Variants in PLEKHA6 observed in about 807,000 individuals in gnomAD.
PLEKHA6 encodes the protein pleckstrin homology domain-containing family A member 6.
A neutral mutation model predicts 116.7 loss-of-function variants in PLEKHA6; 60 were observed. The observed-to-expected ratio is 0.51, with a 90% CI of 0.42 to 0.64. PLEKHA6 has a LOEUF of 0.64. PLEKHA6 is among the 30% of genes least tolerant of loss of function. The pLI is 0.00. For missense variants in PLEKHA6, 1,338 were observed against 1,422.7 expected, an observed-to-expected ratio of 0.94 and a Z score of 0.96; for synonymous variants, 489 against 556.1, an observed-to-expected ratio of 0.88 and a Z score of 1.70.
chr1:204,295,382 C>T (rs776690699), intron 1 of PLEKHA6, among the ~76,000 whole-genome samples: 2 of 151,086 alleles, frequency 1.3e-5, no homozygotes, highest in Non-Finnish European at 2.9e-5. Context: ...CCCAGCTACT[C>T]GGGAGGCTGA....
intron 1 of PLEKHA6, among the ~76,000 whole-genome samples, chr1:204,296,829 C>T (rs1480550980): frequency 6.6e-6 from 1 of 152,214 alleles, no homozygotes; most frequent in Admixed American, 6.5e-5. Context: ...GTGGGGCCTG[C>T]CTGTTCCCCT....
At position 204,289,570 on chromosome 1, in the gene PLEKHA6, G is replaced by A. The variant is rs1233459970; in HGVS notation, c.-94-14761C>T. 2.6e-5 allele frequency among the ~76,000 whole-genome samples: 4 copies of A among 152,326 alleles called. No individual in the cohort carries two copies. In the East Asian group the frequency reaches 7.7e-4, roughly 29 times the overall value. ...CTGGCTGGCCGGGTTCCTTAAAGGGGCTGCACTGCATTCCCACTTGCTCCA... is the reference window on the plus strand; with the variant it reads ...CTGGCTGGCCGGGTTCCTTAAAGGGACTGCACTGCATTCCCACTTGCTCCA... On this transcript the variant is annotated intron_variant, in intron 1 of 22. Coordinates refer to ENST00000272203, the MANE Select transcript of PLEKHA6 (RefSeq NM_014935.5).
intron 1 of PLEKHA6, among the ~76,000 whole-genome samples, chr1:204,349,267 G>A (rs1051095018): frequency 1.3e-4 from 20 of 152,258 alleles, no homozygotes; most frequent in Admixed American, 7.8e-4. Flanking sequence ...GGCCGGGTGC[G>A]GTGGCTCACG....
chr1:204,252,696 C>A (rs1664722527), intron 9 of PLEKHA6, among the ~76,000 whole-genome samples: 1 of 152,308 alleles, frequency 6.6e-6, no homozygotes, highest in East Asian at 1.9e-4. Context: ...CCTCTTACCC[C>A]TTTTAGGCAG....
intron 1 of PLEKHA6, among the ~76,000 whole-genome samples, chr1:204,300,655 C>A (rs929103312): frequency 6.6e-6 from 1 of 152,210 alleles, no homozygotes; most frequent in Non-Finnish European, 1.5e-5. Context: ...TCCCCGTGCC[C>A]ACCCTTGAGT....
At chr1:204,240,488 T>A (rs1483515957) in intron 17 of PLEKHA6, among the ~76,000 whole-genome samples, 1 of 152,252 alleles carries the variant, frequency 6.6e-6, no homozygotes, top group African/African-American at 2.4e-5. Context: ...ATGTATACAC[T>A]TGTGCTAAGG....
At position 204,267,663 on chromosome 1, in the gene PLEKHA6, G is replaced by T. The variant is rs550535571; in HGVS notation, c.208-116C>A. ...TAAGGACATCCTGGCCCTAGCTGCGGCTCTGCTGTTAATGCACGGCAGCAA... is the reference window on the plus strand; with the variant it reads ...TAAGGACATCCTGGCCCTAGCTGCGTCTCTGCTGTTAATGCACGGCAGCAA... On this transcript the variant is annotated intron_variant, in intron 4 of 22. Transcript: ENST00000272203. 656 of 855,864 alleles carry T rather than the reference G, an allele frequency of 7.7e-4. 9 individuals carry two copies. The South Asian group carries it at 9.3e-3, about 12-fold the overall frequency. The allele number at this position is 855,864 out of a possible 1,614,324, so 53.0% of individuals were successfully genotyped here.
rs1644439464 is a variant in PLEKHA6 at position 204,219,992 on chromosome 1, C to T, written c.*2796G>A. The T allele has an allele frequency of 6.6e-6, 1 of 152,214 alleles. No homozygotes were observed. The highest frequency in any genetic ancestry group is 1.5e-5 in the Non-Finnish European group (1 of 68,090). The allele number at this position is 152,214 out of a possible 1,614,324, so 9.4% of individuals were successfully genotyped here. The stretch of plus-strand genomic sequence containing the variant: ...CAGAGGGGGGATGTCATAAATGTGA[C>T]CCAGGCCAGAGAGGGATCAAGTGAA... On this transcript the variant is annotated 3_prime_UTR_variant, in exon 23 of 23. Transcript: ENST00000272203.
chr1:204,309,593 T>C (rs1177610091), intron 1 of PLEKHA6: 1 of 246,944 alleles, frequency 4.0e-6, no homozygotes, highest in Non-Finnish European at 6.5e-6. Flanking sequence ...CTTGTGTACG[T>C]ACACTGTCAT....
chr1:204,350,122 G>A lies in PLEKHA6; in HGVS notation c.-95+9572C>T, dbSNP rs191793345. The stretch of plus-strand genomic sequence containing the variant: ...GGCTCACTTGAGCCCAGAAGTTCAA[G>A]ACCAGCCTGGACAACATGGTGAAAC... On this transcript the variant is annotated intron_variant, in intron 1 of 22. Coordinates refer to ENST00000272203, the MANE Select transcript of PLEKHA6 (RefSeq NM_014935.5). Among the ~76,000 whole-genome samples, 541 of 152,268 alleles carry A rather than the reference G, an allele frequency of 3.6e-3. 2 individuals are homozygous for A. Among genetic ancestry groups the A allele is most frequent in the Non-Finnish European group, 6.0e-3 (407 of 68,018 alleles).
intron 1 of PLEKHA6, among the ~76,000 whole-genome samples, chr1:204,374,729 C>T (rs531374009): frequency 2.4e-4 from 37 of 152,274 alleles, no homozygotes; most frequent in Non-Finnish European, 4.1e-4. Flanking sequence ...AGTCTAAACA[C>T]GCTGCCTCCC....
At chr1:204,242,261 A>C (rs1662936319) in intron 15 of PLEKHA6, among the ~76,000 whole-genome samples, 1 of 152,184 alleles carries the variant, frequency 6.6e-6, no homozygotes, top group Admixed American at 6.5e-5. Context: ...TCACAAAAAC[A>C]TGAGACTAGA....
chr1:204,261,405 C>G lies in PLEKHA6; in HGVS notation c.425G>C (p.Ser142Thr). 6.2e-7 allele frequency: 1 copy of G among 1,613,956 alleles called. No individual in the cohort carries two copies. Among genetic ancestry groups the G allele is most frequent in the Non-Finnish European group, 8.5e-7 (1 of 1,179,912 alleles). Reference protein sequence around the residue: ...GVRTYFFSAESPEEQEAWIQA... With the variant: ...GVRTYFFSAETPEEQEAWIQA... ...GATCCAGGCCTCTTGCTCCTCGGGG[C>G]TCTCGGCACTGAAGAAGTAGGTGCG... Residue 142 changes from serine (S) to threonine (T), a missense_variant, in exon 7 of 23, where the codon AGC (serine) becomes ACC (threonine). By Grantham distance (58) the Ser-to-Thr change is moderately conservative. Coordinates refer to ENST00000272203, the MANE Select transcript of PLEKHA6 (RefSeq NM_014935.5). This position sits in a 1 kb window ranked among gnomAD's most constrained non-coding sequence, Gnocchi z 4.0.
At chr1:204,301,512 T>C (rs745511523) in intron 1 of PLEKHA6, 106 of 982,548 alleles carry the variant, frequency 1.1e-4, no homozygotes, top group Non-Finnish European at 1.2e-4. Flanking sequence ...CCCCACCTCA[T>C]TGGGCTTCCA....
At chr1:204,340,940 A>G (rs907585788) in intron 1 of PLEKHA6, among the ~76,000 whole-genome samples, 11 of 152,238 alleles carry the variant, frequency 7.2e-5, no homozygotes, top group African/African-American at 2.7e-4. Flanking sequence ...TCTTTTGTCC[A>G]GAGAAGATGG....
Position 204,222,382 on chromosome 1 carries a change from C to T in PLEKHA6, c.*406G>A, listed in dbSNP as rs767825524. On this transcript the variant is annotated 3_prime_UTR_variant, in exon 23 of 23. Transcript: ENST00000272203. The stretch of plus-strand genomic sequence containing the variant: ...ATCTCCTCTTCACCTCTAGTCCTCA[C>T]ATAAGATAGCCACAGGTGTGTTCTC... 6.5e-6 allele frequency: 1 copy of T among 152,748 alleles called. No homozygotes were observed. Among genetic ancestry groups the T allele is most frequent in the Non-Finnish European group, 1.5e-5 (1 of 68,198 alleles). 9.5% of individuals were successfully genotyped at this position (152,748 alleles called of 1,614,324 possible).
intron 1 of PLEKHA6, chr1:204,297,127 A>C (rs1254052964): frequency 1.0e-6 from 1 of 983,358 alleles, no homozygotes; most frequent in Non-Finnish European, 1.2e-6. Context: ...TAAAATCCGA[A>C]TCAGATGGAG....
chr1:204,377,384 C>G (rs573034183), intron 1 of PLEKHA6, among the ~76,000 whole-genome samples: 1 of 152,174 alleles, frequency 6.6e-6, no homozygotes, highest in African/African-American at 2.4e-5. Context: ...GAATGCCAAG[C>G]CTTTGCTGGA....
rs1161831331 is a variant in PLEKHA6 at position 204,320,354 on chromosome 1, G to C, written c.-95+39340C>G. 6 of 288,154 alleles carry C rather than the reference G, an allele frequency of 2.1e-5. No homozygotes were observed. The Admixed American group carries it at 3.9e-4, about 19-fold the overall frequency. The allele number at this position is 288,154 out of a possible 1,614,324, so 17.8% of individuals were successfully genotyped here. ...AGCATGGGGGGTGCTTCTTAGGTGG[G>C]GAGCTGGTGCCAGCAGGGCCCTGAG... On this transcript the variant is annotated intron_variant, in intron 1 of 22. Transcript: ENST00000272203.
Sources: gnomAD v4.1 joint callset for allele counts (sites outside exome capture counted in the v4.1 genomes callset) on GRCh38, gnomAD v4.1.1 for gene constraint, Gnocchi (gnomAD v3.1) non-coding constraint, MANE v1.5 for transcripts, NCBI Gene and HGNC (gene_info 2026-07-23, HGNC 2026-07-21) for gene names.